Variants in RB1CC1 observed in about 807,000 individuals in gnomAD.
RB1CC1 encodes RB1 inducible coiled-coil 1.
A neutral mutation model predicts 177.5 loss-of-function variants in RB1CC1; 46 were observed. The ratio of observed to expected loss-of-function variants is 0.26; its 90% CI spans 0.20 to 0.33. The LOEUF (loss-of-function observed/expected upper bound fraction) is 0.33. Ranked by LOEUF, RB1CC1 falls within the 10% of genes least tolerant of loss-of-function variation. The probability of loss-of-function intolerance (pLI) is 1.00; values close to 1 mark genes in which losing one functional copy is unlikely to be tolerated. For synonymous variants in RB1CC1, 666 were observed against 613.6 expected, an observed-to-expected ratio of 1.09 and a Z score of -1.26; for missense variants, 1,703 against 1,816.3, an observed-to-expected ratio of 0.94 and a Z score of 1.13.
chr8:52,653,314 T>C (rs1345677482), intron 15 of RB1CC1, among the ~76,000 whole-genome samples: 2 of 152,002 alleles, frequency 1.3e-5, no homozygotes, highest in Middle Eastern at 3.2e-3. Context: ...GCTTCTGGAG[T>C]GGCAGAGGCC....
chr8:52,668,566 T>A (rs949997863), intron 7 of RB1CC1, among the ~76,000 whole-genome samples: 3 of 152,166 alleles, frequency 2.0e-5, no homozygotes, highest in African/African-American at 7.2e-5. Flanking sequence ...CAAATTTATC[T>A]CCCTCCTGGA....
At chr8:52,667,370 T>C (rs1422811258) in intron 8 of RB1CC1, among the ~76,000 whole-genome samples, 3 of 152,152 alleles carry the variant, frequency 2.0e-5, no homozygotes, top group Non-Finnish European at 2.9e-5. Context: ...AGGAAAAATA[T>C]TGGCAAGGAA....
chr8:52,673,907 C>T lies in RB1CC1; in HGVS notation c.940G>A (p.Val314Ile), dbSNP rs765417209. The T allele has an allele frequency of 1.1e-5, 18 of 1,613,992 alleles. No individual in the cohort carries two copies. In the Admixed American group the frequency reaches 2.5e-4, roughly 22 times the overall value. The part of the protein sequence containing the change: ...FNVSLLDWIN[V>I]QDRPNDVESL... ...TCCACATCATTAGGTCTATCTTGAA[C>T]ATTTATCCAGTCTAACAAAGAGACA... The change falls in exon 7 of 24, where the codon GTT becomes ATT. Residue 314 changes from valine (V) to isoleucine (I), a missense_variant. Around this residue, in one of 6 missense-constraint regions of RB1CC1, gnomAD observed 315 missense variants for 304.9 expected, o/e 1.03. Transcript: ENST00000025008.
chr8:52,624,290 T>C (rs937173370), intron 23 of RB1CC1, among the ~76,000 whole-genome samples: 3 of 151,982 alleles, frequency 2.0e-5, no homozygotes, highest in Non-Finnish European at 2.9e-5. Flanking sequence ...AGCACTGATA[T>C]TGTTATACAA....
At chr8:52,654,851 C>T (rs1850940885) in intron 15 of RB1CC1, among the ~76,000 whole-genome samples, 1 of 152,104 alleles carries the variant, frequency 6.6e-6, no homozygotes, top group Non-Finnish European at 1.5e-5. Context: ...TCCCCTTATT[C>T]CTTATGTTTC....
At chr8:52,663,864 G>A (rs1563402775) in intron 8 of RB1CC1, among the ~76,000 whole-genome samples, 1 of 152,148 alleles carries the variant, frequency 6.6e-6, no homozygotes, top group African/African-American at 2.4e-5. Context: ...GGAATGTGTG[G>A]TAAGACCTTG....
intron 1 of RB1CC1, among the ~76,000 whole-genome samples, chr8:52,700,369 A>C (rs1424387261): frequency 5.3e-5 from 8 of 150,466 alleles, no homozygotes; most frequent in African/African-American, 2.0e-4. Context: ...ACAAATATAC[A>C]AAAATTATCC....
intron 20 of RB1CC1, 74 bp downstream of exon 20, chr8:52,634,847 A>AT: frequency 7.8e-7 from 1 of 1,284,952 alleles, no homozygotes; most frequent in Admixed American, 1.9e-5. Context: ...CTCTGATGGA[A>AT]TATCTTCATA....
chr8:52,708,822 T>C (rs978485804), intron 1 of RB1CC1, among the ~76,000 whole-genome samples: 1 of 152,180 alleles, frequency 6.6e-6, no homozygotes, highest in Non-Finnish European at 1.5e-5. Context: ...TTATCTCCAT[T>C]GATGCGGTAG....
Position 52,657,080 on chromosome 8 carries a change from T to G in RB1CC1, c.2749A>C (p.Lys917Gln). ...QNKDNEFALV[K>Q]HEKEAVICLQ... is the part of the protein sequence containing the mutation. ...CAGATTACAGCTTCTTTTTCATGTTTAACCAAAGCAAATTCATTATCTTTA... is the reference window on the plus strand; with the variant it reads ...CAGATTACAGCTTCTTTTTCATGTTGAACCAAAGCAAATTCATTATCTTTA... The change falls in exon 15 of 24, where the codon AAA becomes CAA. Residue 917 changes from lysine (K) to glutamine (Q), a missense_variant. Physicochemically the swap from Lys to Gln is moderately conservative, Grantham distance 53. Transcript: ENST00000025008. The G allele has an allele frequency of 6.2e-7, 1 of 1,611,532 alleles. No individual in the cohort carries two copies. Among genetic ancestry groups the G allele is most frequent in the South Asian group, 1.1e-5 (1 of 90,462 alleles).
chr8:52,656,125 T>C lies in RB1CC1; in HGVS notation c.3704A>G (p.Asn1235Ser), dbSNP rs559273472. Residue 1235 changes from asparagine to serine, a missense_variant, in exon 15 of 24, where the codon AAT becomes AGT. Physicochemically the swap from Asn to Ser is conservative, Grantham distance 46. Coordinates refer to ENST00000025008, the MANE Select transcript of RB1CC1 (RefSeq NM_014781.5). ...CTGAATAGCTTCATCTTTTTCACAA[T>C]TAAGCTTCTGAATTAACTGTTCTCT... is the stretch of plus-strand genomic sequence containing the variant. ...QDREQLIQKLNCEKDEAIQTA... is the reference protein window; with the variant it reads ...QDREQLIQKLSCEKDEAIQTA... 6.2e-6 allele frequency: 10 copies of C among 1,613,704 alleles called. No homozygotes were observed. Among genetic ancestry groups the C allele is most frequent in the Non-Finnish European group, 8.5e-6 (10 of 1,179,792 alleles).
chr8:52,636,063 A>T lies in RB1CC1; in HGVS notation c.4344T>A (p.Asn1448Lys), dbSNP rs1278972747. 5.0e-6 allele frequency: 8 copies of T among 1,604,522 alleles called. No individual in the cohort carries two copies. In the Admixed American group the frequency reaches 1.4e-4, roughly 28 times the overall value. Residue 1448 changes from asparagine (N) to lysine (K), a missense_variant, in exon 19 of 24, where the codon AAT becomes AAA. This residue lies in a region of RB1CC1 where 1,169 missense variants were observed against 1,184.7 expected (regional missense o/e 0.99). Transcript: ENST00000025008. ...METSMMSVQE[N>K]IHMLSEEKQR... ...GTTTTTCTTCAGACAACATATGAAT[A>T]TTTTCTCTAAAAGTGAGAATAATTG... is the stretch of plus-strand genomic sequence containing the variant.
At chr8:52,645,464 C>A (rs1479470559) in intron 16 of RB1CC1, among the ~76,000 whole-genome samples, 1 of 152,004 alleles carries the variant, frequency 6.6e-6, no homozygotes, top group Non-Finnish European at 1.5e-5. Context: ...TTTTGAAGCA[C>A]CTGGTATTGT....
intron 8 of RB1CC1, among the ~76,000 whole-genome samples, chr8:52,663,576 T>C (rs1435909328): frequency 6.6e-6 from 1 of 152,174 alleles, no homozygotes; most frequent in Non-Finnish European, 1.5e-5. Context: ...TACTACGTTG[T>C]AAATGTGTTT....
intron 1 of RB1CC1, among the ~76,000 whole-genome samples, chr8:52,707,436 T>TTC (rs919622472): frequency 2.0e-5 from 3 of 148,436 alleles, no homozygotes; most frequent in Non-Finnish European, 4.5e-5. Context: ...TTCTTTCTTT[T>TTC]TTTTTTTTTT....
intron 19 of RB1CC1, 43 bp downstream of exon 19, chr8:52,635,972 T>A (rs751047957): frequency 6.3e-7 from 1 of 1,595,894 alleles, no homozygotes; most frequent in Admixed American, 1.8e-5. Flanking sequence ...TATCCAAAAG[T>A]GAACATATTA....
At chr8:52,702,990 T>C (rs1028193975) in intron 1 of RB1CC1, among the ~76,000 whole-genome samples, 7 of 152,152 alleles carry the variant, frequency 4.6e-5, no homozygotes, top group Non-Finnish European at 8.8e-5. Flanking sequence ...GGGGTTCTAG[T>C]AGCAGTACTC....
At chr8:52,654,444 T>G (rs572535669) in intron 15 of RB1CC1, among the ~76,000 whole-genome samples, 4 of 150,126 alleles carry the variant, frequency 2.7e-5, no homozygotes, top group African/African-American at 9.7e-5. Flanking sequence ...AGTTTCACAG[T>G]AGCTTCCTGG....
Position 52,623,620 on chromosome 8 carries a change from T to C in RB1CC1, c.*162A>G. 1.5e-6 allele frequency: 1 copy of C among 664,812 alleles called. No individual in the cohort carries two copies. Among genetic ancestry groups the C allele is most frequent in the Non-Finnish European group, 2.8e-6 (1 of 359,850 alleles). 41.2% of individuals were successfully genotyped at this position (664,812 alleles called of 1,614,324 possible). On this transcript the variant is annotated 3_prime_UTR_variant, in exon 24 of 24. Transcript: ENST00000025008. ...AGGATTCTGATGAATTTATTATTCC[T>C]AAAATGAAGCCAGTTAAAAAGTAAA...
Sources: allele counts gnomAD v4.1 joint callset (sites outside exome capture counted in the v4.1 genomes callset), GRCh38; gene constraint gnomAD v4.1.1; regional missense constraint gnomAD v4.1.1; transcripts MANE v1.5; gene names NCBI Gene and HGNC (gene_info 2026-07-23, HGNC 2026-07-21).